The following ADGRG5 variants were observed in gnomAD, a reference collection of about 807,000 sequenced individuals.
The protein encoded by ADGRG5 is G protein-coupled receptor 114.
A neutral mutation model predicts 53.2 loss-of-function variants in ADGRG5; 37 were observed. The ratio of observed to expected loss-of-function variants is 0.70; its 90% CI spans 0.53 to 0.91. The LOEUF (loss-of-function observed/expected upper bound fraction) is 0.91, where lower values mean the gene tolerates loss of function less well. ADGRG5 is among the 40% of genes least tolerant of loss of function. The pLI is 0.00. For synonymous variants in ADGRG5, 277 were observed against 290.4 expected (o/e 0.95, Z 0.47); for missense variants, 614 against 675.8 (o/e 0.91, Z 1.01).
At chr16:57,529,266 A>G in the ADGRG5 span, 11 of 1,118,248 alleles carry the variant, frequency 9.8e-6, 1 homozygote, top group Non-Finnish European at 1.1e-5. This position sits in a 1 kb window ranked among gnomAD's most constrained non-coding sequence, Gnocchi z 4.1. Flanking sequence ...ACAACTGTGC[A>G]TGATGACGCC....
At chr16:57,564,950 C>G (rs958657897) in intron 5 of ADGRG5, 84 bp from the exon 6 acceptor site, 1 of 753,266 alleles carries the variant, frequency 1.3e-6, no homozygotes, top group African/African-American at 1.7e-5. Flanking sequence ...GCTGCTTGTT[C>G]TCATCCAGGG....
chr16:57,530,914 C>T, the ADGRG5 span, among the ~76,000 whole-genome samples: 1 of 151,896 alleles, frequency 6.6e-6, no homozygotes, highest in East Asian at 1.9e-4. Flanking sequence ...TGACGGTGTG[C>T]CCTCTGGACC....
intron 1 of ADGRG5, among the ~76,000 whole-genome samples, chr16:57,556,908 C>CTTCTTTT (rs765304826): frequency 8.6e-6 from 1 of 115,780 alleles, no homozygotes; most frequent in African/African-American, 3.6e-5. Context: ...TTGCCTTCTT[C>CTTCTTTT]TTTTTTTTTT....
the ADGRG5 span, chr16:57,536,702 C>T: frequency 2.0e-5 from 3 of 152,182 alleles, no homozygotes; most frequent in East Asian, 1.9e-4. Flanking sequence ...CCCGGCCCAC[C>T]GAGCTGCTGG....
Position 57,567,685 on chromosome 16 carries a change from T to A in ADGRG5, c.821+94T>A, listed in dbSNP as rs1252778439. The A allele has an allele frequency of 2.0e-6, 3 of 1,504,866 alleles. No individual in the cohort carries two copies. The African/African-American group carries it at 4.1e-5, about 21-fold the overall frequency. 93.2% of individuals were successfully genotyped at this position (1,504,866 alleles called of 1,614,324 possible). ...AGTCCACTAGAACTGGGTGTGCTTCTCCAGAGGGTGGGGACCAGGAGGCGG... is the reference window on the plus strand; with the variant it reads ...AGTCCACTAGAACTGGGTGTGCTTCACCAGAGGGTGGGGACCAGGAGGCGG... On this transcript the variant is annotated intron_variant, in intron 8 of 11. Coordinates refer to ENST00000349457, the MANE Select transcript of ADGRG5 (RefSeq NM_001304376.3).
upstream of ADGRG5, among the ~76,000 whole-genome samples, chr16:57,539,509 A>G (rs914104332): frequency 1.3e-5 from 2 of 148,894 alleles, no homozygotes; most frequent in Non-Finnish European, 3.0e-5. Flanking sequence ...CTGGAGTGCA[A>G]TGGTTCGAAC....
the ADGRG5 span, among the ~76,000 whole-genome samples, chr16:57,531,472 A>G: frequency 5.3e-4 from 78 of 147,176 alleles, 3 homozygotes; most frequent in South Asian, 0.017. Flanking sequence ...CCTGGGTAAC[A>G]GTACCCACAC....
intron 2 of ADGRG5, 33 bp downstream of exon 2, chr16:57,562,190 T>C: frequency 6.4e-7 from 1 of 1,568,392 alleles, no homozygotes; most frequent in Non-Finnish European, 8.7e-7. Flanking sequence ...GGGGCAGCCC[T>C]AGCCCAGTCG....
chr16:57,556,401 C>CG (rs1478908965), intron 1 of ADGRG5, among the ~76,000 whole-genome samples: 2 of 152,016 alleles, frequency 1.3e-5, no homozygotes, highest in Non-Finnish European at 2.9e-5. Flanking sequence ...CTTGTCCTGT[C>CG]TTATTTTGGA....
At chr16:57,536,076 C>A in the ADGRG5 span, among the ~76,000 whole-genome samples, 2 of 152,198 alleles carry the variant, frequency 1.3e-5, no homozygotes, top group East Asian at 1.9e-4. Flanking sequence ...CCGCATGGCC[C>A]CCATTGGCAG....
chr16:57,576,024 C>T lies in ADGRG5; in HGVS notation c.*486C>T, dbSNP rs377208527. The T allele has an allele frequency of 7.5e-4, 117 of 156,810 alleles. 1 individual carries two copies. Among genetic ancestry groups the T allele is most frequent in the African/African-American group, 2.7e-3 (112 of 41,636 alleles). The allele number at this position is 156,810 out of a possible 1,614,324, so 9.7% of individuals were successfully genotyped here. Reference sequence around the variant, plus strand: ...AGCGTGGGGTGGGAATTCCCGCGGCCTCCACCTGCTTGCTAGGGGCAGGAT... The same window carrying T: ...AGCGTGGGGTGGGAATTCCCGCGGCTTCCACCTGCTTGCTAGGGGCAGGAT... On this transcript the variant is annotated 3_prime_UTR_variant, in exon 12 of 12. Transcript: ENST00000349457.
chr16:57,547,402 A>G (rs2032644073), intron 1 of ADGRG5, among the ~76,000 whole-genome samples: 1 of 152,154 alleles, frequency 6.6e-6, no homozygotes, highest in African/African-American at 2.4e-5. Context: ...CCACTCAGTG[A>G]TATGCTGTGC....
At chr16:57,538,520 C>T (rs1350282295), upstream of ADGRG5, among the ~76,000 whole-genome samples, 1 of 152,180 alleles carries the variant, frequency 6.6e-6, no homozygotes, top group Non-Finnish European at 1.5e-5. Flanking sequence ...GCCAGAGGAT[C>T]GTCTCGAGTA....
In ADGRG5 at chr16:57,566,743, G is replaced by A. The variant is rs369460685; in HGVS notation, c.691G>A (p.Val231Ile). 1.3e-6 allele frequency: 2 copies of A among 1,539,664 alleles called. No individual in the cohort carries two copies. The highest frequency in any genetic ancestry group is 1.7e-6 in the Non-Finnish European group (2 of 1,143,460). The change falls in exon 7 of 12, where the codon GTT becomes ATT. Residue 231 changes from valine (V) to isoleucine (I), a missense_variant. By Grantham distance (29) the Val-to-Ile change is conservative. Coordinates refer to ENST00000349457, the MANE Select transcript of ADGRG5 (RefSeq NM_001304376.3). ...CRCNHLTYFA[V>I]LMQLSPALVP... The stretch of plus-strand genomic sequence containing the variant: ...CTGCAACCACCTCACCTACTTTGCT[G>A]TTCTCATGGTATGTATGCATCCTGA...
At chr16:57,568,209 CTCA>C in intron 9 of ADGRG5, 85 bp downstream of exon 9, 10 of 1,405,396 alleles carry the variant, frequency 7.1e-6, no homozygotes, top group Non-Finnish European at 7.9e-6. Context: ...TCCCCTCCTC[CTCA>C]TCGTCATAGT....
intron 1 of ADGRG5, among the ~76,000 whole-genome samples, chr16:57,547,535 A>G (rs1393634815): frequency 6.6e-6 from 1 of 151,890 alleles, no homozygotes; most frequent in Non-Finnish European, 1.5e-5. Flanking sequence ...ACCTCCGCCT[A>G]CTGGGTTCAA....
At position 57,574,404 on chromosome 16, in the gene ADGRG5, C is replaced by T. The variant is rs1464695821; in HGVS notation, c.1209-411C>T. ...AGAGATGGTGATGAGGTGGTGACAACCATGTAGTGGGGTGGAAGGGGAAGT... is the reference window on the plus strand; with the variant it reads ...AGAGATGGTGATGAGGTGGTGACAATCATGTAGTGGGGTGGAAGGGGAAGT... On this transcript the variant is annotated intron_variant, in intron 10 of 11. Coordinates refer to ENST00000349457, the MANE Select transcript of ADGRG5 (RefSeq NM_001304376.3). The surrounding 1 kb of genome is among the most constrained non-coding windows in gnomAD (Gnocchi z 4.4). 6.6e-6 allele frequency among the ~76,000 whole-genome samples: 1 copy of T among 152,166 alleles called. No individual in the cohort carries two copies. The highest frequency in any genetic ancestry group is 1.5e-5 in the Non-Finnish European group (1 of 68,030).
Position 57,562,123 on chromosome 16 carries a change from C to G in ADGRG5, c.30C>G (p.Cys10Trp), listed in dbSNP as rs2033018386. The G allele has an allele frequency of 1.2e-6, 2 of 1,601,792 alleles. No homozygotes were observed. Among genetic ancestry groups the G allele is most frequent in the East Asian group, 4.5e-5 (2 of 44,570 alleles). The change falls in exon 2 of 12, where the codon TGC (cysteine) becomes TGG (tryptophan). Residue 10 changes from cysteine to tryptophan, a missense_variant. Coordinates refer to ENST00000349457, the MANE Select transcript of ADGRG5 (RefSeq NM_001304376.3). Reference sequence around the variant, plus strand: ...ATCACTGTGGTGCCCTTTTCCTGTGCCTGTGCCTTCTGACTTTGCAGAATG... The same window carrying G: ...ATCACTGTGGTGCCCTTTTCCTGTGGCTGTGCCTTCTGACTTTGCAGAATG... MDHCGALFL[C>W]LCLLTLQNAT... is the part of the protein sequence containing the mutation.
chr16:57,576,032 G>C lies in ADGRG5; in HGVS notation c.*494G>C, dbSNP rs2033508120. 1 of 157,132 alleles carries C rather than the reference G, an allele frequency of 6.4e-6. No individual in the cohort carries two copies. The highest frequency in any genetic ancestry group is 1.4e-5 in the Non-Finnish European group (1 of 70,764). The allele number at this position is 157,132 out of a possible 1,614,324, so 9.7% of individuals were successfully genotyped here. A position where few individuals can be genotyped will look rare whatever the true frequency, so the allele number is the denominator to read the frequency against. On this transcript the variant is annotated 3_prime_UTR_variant, in exon 12 of 12. Coordinates refer to ENST00000349457, the MANE Select transcript of ADGRG5 (RefSeq NM_001304376.3). ...GTGGGAATTCCCGCGGCCTCCACCTGCTTGCTAGGGGCAGGATCTCATTCA... is the reference window on the plus strand; with the variant it reads ...GTGGGAATTCCCGCGGCCTCCACCTCCTTGCTAGGGGCAGGATCTCATTCA...
Sources: gnomAD v4.1 joint callset for allele counts (sites outside exome capture counted in the v4.1 genomes callset) on GRCh38, gnomAD v4.1.1 for gene constraint, Gnocchi (gnomAD v3.1) non-coding constraint, MANE v1.5 for transcripts, NCBI Gene and HGNC (gene_info 2026-07-23, HGNC 2026-07-21) for gene names.